Variants in LTBP1 observed in about 807,000 individuals in gnomAD.
LTBP1 encodes latent transforming growth factor beta binding protein 1, also known as latent-transforming growth factor beta-binding protein 1.
In LTBP1, 129 loss-of-function variants were observed where a neutral mutation model predicts 207.6. That is an observed-to-expected ratio of 0.62 (90% confidence interval 0.54 to 0.72). LTBP1 has a LOEUF of 0.72. Among genes scored for constraint, LTBP1 ranks in the 30% least tolerant of loss-of-function variants. The pLI, the probability that LTBP1 is intolerant of heterozygous loss-of-function variation, is 0.00. For synonymous variants in LTBP1, 963 were observed against 833.7 expected, an observed-to-expected ratio of 1.16 and a Z score of -2.67; for missense variants, 2,281 against 2,217.2, an observed-to-expected ratio of 1.03 and a Z score of -0.58.
chr2:32,947,575 C>G lies in LTBP1; in HGVS notation c.251C>G (p.Thr84Ser), dbSNP rs976115555. The G allele has an allele frequency of 3.8e-6, 5 of 1,328,598 alleles. No homozygotes were observed. Among genetic ancestry groups the G allele is most frequent in the Non-Finnish European group, 4.8e-6 (5 of 1,043,514 alleles). The allele number at this position is 1,328,598 out of a possible 1,614,324, so 82.3% of individuals were successfully genotyped here. ...RASPGVPSERTRRTSKPGGAA... is the reference protein window; with the variant it reads ...RASPGVPSERSRRTSKPGGAA... ...TCCCCCGGGGTCCCCTCGGAGAGGA[C>G]CCGGCGCACGAGCAAGCCGGGCGGC... Residue 84 changes from threonine (T) to serine (S), a missense_variant, in exon 1 of 34, where the codon ACC becomes AGC. By Grantham distance (58) the Thr-to-Ser change is moderately conservative (BLOSUM62 1). Transcript: ENST00000404816.
At chr2:33,214,085 T>G (rs889709302) in intron 7 of LTBP1, among the ~76,000 whole-genome samples, 6 of 152,244 alleles carry the variant, frequency 3.9e-5, no homozygotes, top group Admixed American at 3.3e-4. Flanking sequence ...GTTGAGTGTT[T>G]CGCTTGATTA....
At chr2:33,026,222 G>T (rs1341510587) in intron 3 of LTBP1, among the ~76,000 whole-genome samples, 3 of 152,072 alleles carry the variant, frequency 2.0e-5, no homozygotes, top group African/African-American at 7.2e-5. Context: ...CGATCTCTCA[G>T]ACTGTAGGAG....
intron 23 of LTBP1, among the ~76,000 whole-genome samples, chr2:33,312,742 A>T (rs2094206275): frequency 6.6e-6 from 1 of 152,080 alleles, no homozygotes; most frequent in Non-Finnish European, 1.5e-5. Flanking sequence ...TTAGACAATT[A>T]TTTGTGTTAA....
chr2:33,146,335 G>A (rs2083039587), intron 5 of LTBP1, among the ~76,000 whole-genome samples: 1 of 152,220 alleles, frequency 6.6e-6, no homozygotes, highest in African/African-American at 2.4e-5. Flanking sequence ...GTGGTGGCTT[G>A]TGAATGGTTC....
chr2:33,190,510 T>C (rs2087742831), intron 7 of LTBP1, among the ~76,000 whole-genome samples: 1 of 152,158 alleles, frequency 6.6e-6, no homozygotes, highest in Non-Finnish European at 1.5e-5. Flanking sequence ...CATATGGGAA[T>C]GGAAAGAGCA....
At chr2:33,315,335 T>C (rs1364019884) in intron 24 of LTBP1, 66 bp downstream of exon 24, 15 of 1,591,740 alleles carry the variant, frequency 9.4e-6, no homozygotes, top group Middle Eastern at 3.4e-4. Context: ...CTTTCACTTA[T>C]ACAAAGACTT....
intron 24 of LTBP1, among the ~76,000 whole-genome samples, chr2:33,329,619 T>G (rs2094471183): frequency 2.0e-5 from 3 of 152,090 alleles, no homozygotes; most frequent in Non-Finnish European, 4.4e-5. Flanking sequence ...GGACATCAAA[T>G]TAGGTCATCA....
rs942542736 is a variant in LTBP1 at position 33,164,129 on chromosome 2, T to A, written c.1202-22727T>A. On this transcript the variant is annotated intron_variant, in intron 5 of 33. Transcript: ENST00000404816. ...ACTTTGGGAGGCTGAGGTGGGCAGA[T>A]CACGAGTTCAGGAGTTCGAGACCAG... 3.3e-5 allele frequency among the ~76,000 whole-genome samples: 5 copies of A among 151,808 alleles called. No homozygotes were observed. In the East Asian group the frequency reaches 9.7e-4, roughly 29 times the overall value.
At position 32,975,714 on chromosome 2, in the gene LTBP1, C is replaced by T. The variant is rs544043171; in HGVS notation, c.565+26769C>T. Among the ~76,000 whole-genome samples the T allele has an allele frequency of 1.9e-4, 26 of 140,078 alleles. No homozygotes were observed. In the South Asian group the frequency reaches 5.5e-3, roughly 30 times the overall value. 91.9% of individuals were successfully genotyped at this position (140,078 alleles called of 152,430 possible). ...CTGCTGTTAATACTTGTTATGATAT[C>T]GTGAAATTCTTGTTGTGAGTTTTTT... On this transcript the variant is annotated intron_variant, in intron 2 of 33. Transcript: ENST00000404816.
At chr2:33,003,367 A>G (rs1467119068) in intron 2 of LTBP1, among the ~76,000 whole-genome samples, 2 of 152,264 alleles carry the variant, frequency 1.3e-5, no homozygotes, top group Non-Finnish European at 2.9e-5. Context: ...ACCATCCCCA[A>G]TTTATAGATG....
chr2:33,037,718 T>A (rs1020789577), intron 3 of LTBP1, among the ~76,000 whole-genome samples: 2 of 152,152 alleles, frequency 1.3e-5, no homozygotes, highest in African/African-American at 4.8e-5. Context: ...ATATAGTTTT[T>A]ATTTTATTTA....
intron 9 of LTBP1, among the ~76,000 whole-genome samples, chr2:33,235,436 C>T (rs777983312): frequency 2.0e-5 from 3 of 152,118 alleles, no homozygotes; most frequent in East Asian, 1.9e-4. Flanking sequence ...GAAATAGGAA[C>T]GTTTTTACAC....
intron 9 of LTBP1, among the ~76,000 whole-genome samples, chr2:33,239,522 A>AT (rs2092213640): frequency 6.6e-6 from 1 of 152,146 alleles, no homozygotes; most frequent in Admixed American, 6.5e-5. Flanking sequence ...AAATTCATGT[A>AT]TTTTTCAAAC....
intron 2 of LTBP1, among the ~76,000 whole-genome samples, chr2:32,968,173 G>C (rs777211376): frequency 1.3e-5 from 2 of 151,986 alleles, no homozygotes; most frequent in Non-Finnish European, 2.9e-5. Flanking sequence ...TCACCATGTT[G>C]GCCATACTGG....
chr2:33,375,704 ATTTTTTT>A (rs985682071), intron 31 of LTBP1, among the ~76,000 whole-genome samples: 1 of 113,782 alleles, frequency 8.8e-6, no homozygotes, highest in Admixed American at 8.9e-5. Flanking sequence ...ATTTTTTTGT[ATTTTTTT>A]TTTTTTTTTT....
intron 5 of LTBP1, among the ~76,000 whole-genome samples, chr2:33,163,922 T>C (rs1323815795): frequency 6.6e-6 from 1 of 152,158 alleles, no homozygotes; most frequent in Non-Finnish European, 1.5e-5. Flanking sequence ...ATCATAGTGC[T>C]CTATCCAGAA....
chr2:33,124,996 A>G (rs550803814), intron 4 of LTBP1, among the ~76,000 whole-genome samples: 2 of 152,160 alleles, frequency 1.3e-5, no homozygotes, highest in South Asian at 2.1e-4. Flanking sequence ...GTTCTGTAGG[A>G]GTGTTGTGAG....
intron 2 of LTBP1, among the ~76,000 whole-genome samples, chr2:33,008,179 T>G (rs779922018): frequency 2.6e-5 from 4 of 152,242 alleles, no homozygotes; most frequent in Non-Finnish European, 5.9e-5. Flanking sequence ...AAAATAAAAG[T>G]CAACTTTTCA....
At chr2:33,366,714 G>C (rs2094992747) in intron 31 of LTBP1, among the ~76,000 whole-genome samples, 1 of 152,180 alleles carries the variant, frequency 6.6e-6, no homozygotes, top group African/African-American at 2.4e-5. Context: ...CTGTCCTGTT[G>C]GGTTGTTGCA....
Sources: gnomAD v4.1 joint callset for allele counts (sites outside exome capture counted in the v4.1 genomes callset) on GRCh38, gnomAD v4.1.1 for gene constraint, MANE v1.5 for transcripts, NCBI Gene and HGNC (gene_info 2026-07-23, HGNC 2026-07-21) for gene names.